DNAJC24: variants seen among roughly 807,000 people sequenced by gnomAD.
DNAJC24 encodes the protein DnaJ heat shock protein family (Hsp40) member C24, also known as dnaJ homolog subfamily C member 24.
DNAJC24 carries 17 observed loss-of-function variants against 18.0 expected under a neutral mutation model. The observed-to-expected ratio is 0.94, with a 90% CI of 0.65 to 1.42. The LOEUF (loss-of-function observed/expected upper bound fraction) is 1.42. Among genes scored for constraint, DNAJC24 ranks in the 40% most tolerant of loss-of-function variants. DNAJC24 has a pLI of 0.00. For synonymous variants in DNAJC24, 55 were observed against 57.7 expected (o/e 0.95, Z 0.21); for missense variants, 158 against 175.6 (o/e 0.90, Z 0.57).
chr11:31,409,046 A>G (rs1042778717), intron 2 of DNAJC24, among the ~76,000 whole-genome samples: 11 of 152,194 alleles, frequency 7.2e-5, no homozygotes, highest in African/African-American at 2.7e-4. Flanking sequence ...AGAGTTGGCA[A>G]ATGTGCTTGA....
chr11:31,400,110 T>C (rs1306619752), intron 2 of DNAJC24, among the ~76,000 whole-genome samples: 1 of 152,148 alleles, frequency 6.6e-6, no homozygotes, highest in Non-Finnish European at 1.5e-5. Flanking sequence ...TTTATGGCTG[T>C]GTAGTATTCC....
intron 2 of DNAJC24, among the ~76,000 whole-genome samples, chr11:31,398,219 T>C (rs1952562627): frequency 7.0e-6 from 1 of 143,590 alleles, no homozygotes; most frequent in Non-Finnish European, 1.5e-5. Flanking sequence ...TCTTTTACTC[T>C]TTTTTTTTTC....
At chr11:31,412,589 C>G (rs148552847) in intron 2 of DNAJC24, among the ~76,000 whole-genome samples, 174 of 152,228 alleles carry the variant, frequency 1.1e-3, no homozygotes, top group African/African-American at 3.9e-3. Flanking sequence ...TTGCCAAAAC[C>G]TCAGTATAGA....
chr11:31,371,814 C>CTTT (rs1196949855), intron 2 of DNAJC24, among the ~76,000 whole-genome samples: 6 of 73,856 alleles, frequency 8.1e-5, no homozygotes, highest in African/African-American at 9.5e-5. Context: ...TATCAGTTGA[C>CTTT]TTTTTTTTTT....
chr11:31,424,208 T>C (rs1952838642), intron 3 of DNAJC24, among the ~76,000 whole-genome samples: 1 of 152,186 alleles, frequency 6.6e-6, no homozygotes. Flanking sequence ...AGAAAGCTGA[T>C]TCATCTTGTC....
Position 31,414,892 on chromosome 11 carries a change from G to C in DNAJC24, c.193G>C (p.Ala65Pro). ...ACAGAAGTTCATCGAAATTGATCAA[G>C]CATGGAAAATTCTAGGAAATGAAGA... The part of the protein sequence containing the change: ...CVQKFIEIDQ[A>P]WKILGNEETK... Residue 65 changes from alanine to proline, a missense_variant, in exon 3 of 5, where the codon GCA becomes CCA. Ala to Pro is a conservative substitution (Grantham distance 27). Coordinates refer to ENST00000465995, the MANE Select transcript of DNAJC24 (RefSeq NM_181706.5). 1 of 1,614,058 alleles carries C rather than the reference G, an allele frequency of 6.2e-7. No homozygotes were observed. Among genetic ancestry groups the C allele is most frequent in the Non-Finnish European group, 8.5e-7 (1 of 1,179,992 alleles).
intron 2 of DNAJC24, among the ~76,000 whole-genome samples, chr11:31,377,170 G>C (rs1348933415): frequency 6.6e-6 from 1 of 152,044 alleles, no homozygotes; most frequent in African/African-American, 2.4e-5. Flanking sequence ...TCTAAGTTCA[G>C]AAGACTTTGA....
At chr11:31,400,022 T>C (rs1442194582) in intron 2 of DNAJC24, among the ~76,000 whole-genome samples, 4 of 152,168 alleles carry the variant, frequency 2.6e-5, no homozygotes, top group Non-Finnish European at 1.5e-5. Flanking sequence ...TTTGGTTTTC[T>C]GTTCCTATGT....
chr11:31,405,655 G>C (rs1393378120), intron 2 of DNAJC24, among the ~76,000 whole-genome samples: 1 of 151,802 alleles, frequency 6.6e-6, no homozygotes, highest in Non-Finnish European at 1.5e-5. Context: ...GATGAGTTCT[G>C]TGTTGCCCAG....
At chr11:31,419,970 A>G (rs776862290) in intron 3 of DNAJC24, among the ~76,000 whole-genome samples, 10 of 151,954 alleles carry the variant, frequency 6.6e-5, no homozygotes, top group Admixed American at 6.6e-4. Flanking sequence ...TCCATTCTCT[A>G]TTGCTGCCTT....
intron 2 of DNAJC24, among the ~76,000 whole-genome samples, chr11:31,380,407 G>T (rs1952365042): frequency 6.6e-6 from 1 of 152,072 alleles, no homozygotes. Flanking sequence ...TGAAAGTTTT[G>T]TTTTAAAATA....
At chr11:31,428,563 A>T (rs569796203) in intron 4 of DNAJC24, among the ~76,000 whole-genome samples, 11 of 152,172 alleles carry the variant, frequency 7.2e-5, no homozygotes, top group South Asian at 2.1e-4. Context: ...GAAGCTCCAG[A>T]ACAGGAGAAA....
chr11:31,378,367 C>G (rs924723445), intron 2 of DNAJC24, among the ~76,000 whole-genome samples: 40 of 126,260 alleles, frequency 3.2e-4, no homozygotes, highest in African/African-American at 2.0e-3. Flanking sequence ...TAGGGAGACT[C>G]TATCATAAAC....
At chr11:31,409,213 A>G (rs1005674755) in intron 2 of DNAJC24, among the ~76,000 whole-genome samples, 3 of 152,182 alleles carry the variant, frequency 2.0e-5, no homozygotes, top group Non-Finnish European at 2.9e-5. Context: ...AAGATTTGCT[A>G]AATTCCTTTT....
intron 2 of DNAJC24, among the ~76,000 whole-genome samples, chr11:31,389,779 A>C (rs1952470158): frequency 6.6e-6 from 1 of 152,226 alleles, no homozygotes; most frequent in Non-Finnish European, 1.5e-5. Context: ...CAATTTTTTA[A>C]AATTCAAACA....
chr11:31,419,791 A>G (rs963553507), intron 3 of DNAJC24, among the ~76,000 whole-genome samples: 1 of 151,674 alleles, frequency 6.6e-6, no homozygotes, highest in African/African-American at 2.4e-5. Context: ...CACTCTGCTT[A>G]CTTCTACTTT....
intron 2 of DNAJC24, among the ~76,000 whole-genome samples, chr11:31,384,083 T>C (rs1239375118): frequency 1.3e-5 from 2 of 152,220 alleles, no homozygotes; most frequent in East Asian, 1.9e-4. Flanking sequence ...TTACAGTGTT[T>C]TATAATGTAT....
intron 3 of DNAJC24, chr11:31,417,273 T>C (rs1466216609): frequency 4.6e-5 from 7 of 152,122 alleles, no homozygotes; most frequent in Non-Finnish European, 8.8e-5. Flanking sequence ...TAACTTGCTA[T>C]TTTTAAGCCT....
In DNAJC24 at chr11:31,421,081, A is replaced by C. The variant is rs1250337959; in HGVS notation, c.251-5206A>C. ...AATCACTCTTCAGTTTCATCTGGGA[A>C]AGGATTATAGGGTTTATGACTTAAA... On this transcript the variant is annotated intron_variant, in intron 3 of 4. Transcript: ENST00000465995. 2.0e-5 allele frequency among the ~76,000 whole-genome samples: 3 copies of C among 152,164 alleles called. No homozygotes were observed. The South Asian group carries it at 6.2e-4, about 32-fold the overall frequency.
Sources: allele counts gnomAD v4.1 joint callset (sites outside exome capture counted in the v4.1 genomes callset), GRCh38; gene constraint gnomAD v4.1.1; transcripts MANE v1.5; gene names NCBI Gene and HGNC (gene_info 2026-07-23, HGNC 2026-07-21).